FIBCD1: variants seen among roughly 807,000 people sequenced by gnomAD.
FIBCD1 encodes fibrinogen C domain containing 1.
Under a neutral mutation model 45.1 loss-of-function variants are expected in FIBCD1, and 47 were observed. The ratio of observed to expected loss-of-function variants is 1.04; its 90% CI spans 0.82 to 1.33. FIBCD1 has a LOEUF of 1.33. Among genes scored for constraint, FIBCD1 ranks in the 40% most tolerant of loss-of-function variants. FIBCD1 has a pLI of 0.00. For synonymous variants in FIBCD1, 313 were observed against 308.1 expected, an observed-to-expected ratio of 1.02 and a Z score of -0.17; for missense variants, 653 against 682.2, an observed-to-expected ratio of 0.96 and a Z score of 0.48.
intron 5 of FIBCD1, among the ~76,000 whole-genome samples, chr9:130,910,715 G>C (rs1832022242): frequency 1.3e-5 from 2 of 152,340 alleles, no homozygotes; most frequent in African/African-American, 4.8e-5. Context: ...CTCAGGGTTT[G>C]TGAGTGCACC....
chr9:130,923,272 C>T (rs1242775911), intron 4 of FIBCD1, among the ~76,000 whole-genome samples: 7 of 152,214 alleles, frequency 4.6e-5, no homozygotes, highest in African/African-American at 1.2e-4. Flanking sequence ...AGGAATCAGA[C>T]AGCACTTGTC....
intron 5 of FIBCD1, among the ~76,000 whole-genome samples, chr9:130,908,519 G>A (rs1240841785): frequency 6.6e-6 from 1 of 152,208 alleles, no homozygotes; most frequent in Non-Finnish European, 1.5e-5. Flanking sequence ...CACCAGGTTC[G>A]GGGATGAGGC....
chr9:130,931,782 C>G (rs1483358670), intron 1 of FIBCD1, among the ~76,000 whole-genome samples: 1 of 152,226 alleles, frequency 6.6e-6, no homozygotes, highest in Non-Finnish European at 1.5e-5. Flanking sequence ...GATTAGGCCC[C>G]GAGCCTCCTG....
chr9:130,939,770 C>G (rs1832588459), upstream of FIBCD1, among the ~76,000 whole-genome samples: 1 of 152,144 alleles, frequency 6.6e-6, no homozygotes, highest in Non-Finnish European at 1.5e-5. Context: ...TTGCCCCTTC[C>G]CACCAGCAGC....
upstream of FIBCD1, among the ~76,000 whole-genome samples, chr9:130,939,474 G>A (rs977294964): frequency 7.2e-5 from 11 of 152,102 alleles, no homozygotes; most frequent in Non-Finnish European, 1.6e-4. Context: ...GGACCCCGAC[G>A]CGTGAGCCTG....
intron 4 of FIBCD1, among the ~76,000 whole-genome samples, chr9:130,913,243 T>C (rs1832096551): frequency 6.8e-6 from 1 of 147,040 alleles, no homozygotes; most frequent in Admixed American, 6.7e-5. Flanking sequence ...CCTCTTTCTG[T>C]TTAACAAGCT....
In FIBCD1 at chr9:130,939,128, G is replaced by T. The variant is rs1342668696; in HGVS notation, c.-521C>A. The T allele has an allele frequency of 6.6e-6, 1 of 152,138 alleles. No homozygotes were observed. The highest frequency in any genetic ancestry group is 2.4e-5 in the African/African-American group (1 of 41,442). The allele number at this position is 152,138 out of a possible 1,614,324, so 9.4% of individuals were successfully genotyped here. On this transcript the variant is annotated 5_prime_UTR_variant, in exon 1 of 7. Transcript: ENST00000372338. ...GCCGGAGGGCAGCAAACAGCCGCGGGCGGCCCGGCTCCTGCTGGCTCCCGG... is the reference window on the plus strand; with the variant it reads ...GCCGGAGGGCAGCAAACAGCCGCGGTCGGCCCGGCTCCTGCTGGCTCCCGG...
At chr9:130,929,194 G>C (rs999097094) in intron 2 of FIBCD1, among the ~76,000 whole-genome samples, 1 of 152,090 alleles carries the variant, frequency 6.6e-6, no homozygotes, top group Non-Finnish European at 1.5e-5. Context: ...TCAGCAAGTC[G>C]CATCCCCTCT....
At chr9:130,916,113 T>G (rs1832156220) in intron 4 of FIBCD1, among the ~76,000 whole-genome samples, 1 of 152,164 alleles carries the variant, frequency 6.6e-6, no homozygotes, top group Non-Finnish European at 1.5e-5. Flanking sequence ...GTATTTTTAG[T>G]AGAGACGGGC....
rs2133112427 is a variant in FIBCD1 at position 130,926,991 on chromosome 9, A to G, written c.552+2576T>C. Among the ~76,000 whole-genome samples the G allele has an allele frequency of 6.6e-6, 1 of 152,136 alleles. No individual in the cohort carries two copies. Among genetic ancestry groups the G allele is most frequent in the East Asian group, 1.9e-4 (1 of 5,160 alleles). ...TTCGGCCCAACACAGTAATCTTAGC[A>G]CGTGGGGAGGCCGAGGTGGGTGGAT... On this transcript the variant is annotated intron_variant, in intron 2 of 6. Coordinates refer to ENST00000372338, the MANE Select transcript of FIBCD1 (RefSeq NM_032843.5). This position sits in a 1 kb window ranked among gnomAD's most constrained non-coding sequence, Gnocchi z 4.1.
intron 2 of FIBCD1, among the ~76,000 whole-genome samples, chr9:130,927,413 G>A (rs1307094206): frequency 1.3e-5 from 2 of 152,082 alleles, no homozygotes; most frequent in Non-Finnish European, 2.9e-5. Context: ...GTAGCCAGGC[G>A]CTCCAATATC....
chr9:130,923,155 C>G (rs994735691), intron 4 of FIBCD1, among the ~76,000 whole-genome samples: 2 of 152,208 alleles, frequency 1.3e-5, no homozygotes, highest in African/African-American at 4.8e-5. Context: ...CAAAGCAGGG[C>G]GTCTGCCCCA....
At chr9:130,911,412 T>G (rs529557730) in intron 5 of FIBCD1, among the ~76,000 whole-genome samples, 1 of 152,260 alleles carries the variant, frequency 6.6e-6, no homozygotes, top group Admixed American at 6.5e-5. Context: ...CTGGCACCCT[T>G]GGGCAGGGTG....
At chr9:130,923,269 A>G (rs1832292553) in intron 4 of FIBCD1, among the ~76,000 whole-genome samples, 1 of 152,190 alleles carries the variant, frequency 6.6e-6, no homozygotes. Context: ...TGCAGGAATC[A>G]GACAGCACTT....
chr9:130,916,587 A>T (rs1274475457), intron 4 of FIBCD1, among the ~76,000 whole-genome samples: 2 of 152,230 alleles, frequency 1.3e-5, no homozygotes, highest in Admixed American at 1.3e-4. Flanking sequence ...CCCAGGATAA[A>T]CTGCAGCTGT....
intron 1 of FIBCD1, 29 bp from the exon 2 acceptor site, chr9:130,930,075 C>G: frequency 6.7e-7 from 1 of 1,484,528 alleles, no homozygotes; most frequent in Non-Finnish European, 8.9e-7. Context: ...CGCACAGACA[C>G]AGACAGACAG....
intron 1 of FIBCD1, 91 bp from the exon 2 acceptor site, chr9:130,930,137 C>T: frequency 4.2e-6 from 6 of 1,424,814 alleles, no homozygotes; most frequent in Non-Finnish European, 5.5e-6. Flanking sequence ...TCAGAGGACC[C>T]CCTTCTTGGG....
At chr9:130,930,887 T>G (rs1832439023) in intron 1 of FIBCD1, 1 of 446,502 alleles carries the variant, frequency 2.2e-6, no homozygotes, top group South Asian at 1.6e-5. Context: ...ATAGATGGTC[T>G]CGTGCTGTCT....
At chr9:130,906,405 C>A (rs1182547167) in intron 5 of FIBCD1, among the ~76,000 whole-genome samples, 1 of 152,212 alleles carries the variant, frequency 6.6e-6, no homozygotes, top group East Asian at 1.9e-4. Context: ...TGTGTGCTGG[C>A]TGGAGGCTGT....
Sources: allele counts gnomAD v4.1 joint callset (sites outside exome capture counted in the v4.1 genomes callset), GRCh38; gene constraint gnomAD v4.1.1; non-coding constraint Gnocchi (gnomAD v3.1); transcripts MANE v1.5; gene names NCBI Gene and HGNC (gene_info 2026-07-23, HGNC 2026-07-21).